The following SCN2A variants were observed in gnomAD, a reference collection of about 807,000 sequenced individuals.
The protein encoded by SCN2A is sodium voltage-gated channel alpha subunit 2, also known as sodium channel protein type 2 subunit alpha.
In SCN2A, 20 loss-of-function variants were observed where a neutral mutation model predicts 188.7. The observed-to-expected ratio is 0.11, with a 90% CI of 0.07 to 0.15. The LOEUF (loss-of-function observed/expected upper bound fraction) is 0.15. Ranked by LOEUF, SCN2A falls within the 10% of genes least tolerant of loss-of-function variation. The probability of loss-of-function intolerance (pLI) is 1.00; values close to 1 mark genes in which losing one functional copy is unlikely to be tolerated. For missense variants in SCN2A, 1,278 were observed against 2,445.0 expected, an observed-to-expected ratio of 0.52 and a Z score of 10.07; for synonymous variants, 804 against 833.1, an observed-to-expected ratio of 0.97 and a Z score of 0.60.
At chr2:165,316,077 G>A (rs1054649054) in intron 11 of SCN2A, among the ~76,000 whole-genome samples, 3 of 152,138 alleles carry the variant, frequency 2.0e-5, no homozygotes, top group Admixed American at 2.0e-4. Flanking sequence ...CTTAACTATT[G>A]TGCGTGGATC....
chr2:165,278,988 A>C (rs12991072), intron 1 of SCN2A, among the ~76,000 whole-genome samples: 16,054 of 151,706 alleles, frequency 0.11, 1,247 homozygotes, highest in East Asian at 0.35. Flanking sequence ...GGCAGGCAGG[A>C]AGGAAGGAAG....
rs1553463915 is a variant in SCN2A, at chr2:165,389,711, A to G, written c.5905A>G (p.Thr1969Ala). Reference protein sequence around the residue: ...TPEKTDMTPSTTSPPSYDSVT... With the variant: ...TPEKTDMTPSATSPPSYDSVT... The stretch of plus-strand genomic sequence containing the variant: ...AGAGAAAACCGATATGACGCCTTCC[A>G]CCACGTCTCCACCCTCGTATGATAG... The change falls in exon 27 of 27, where the codon ACC becomes GCC. Residue 1969 changes from threonine (T) to alanine (A), a missense_variant. Thr to Ala is a moderately conservative substitution (Grantham distance 58). Around this residue, in one of 17 missense-constraint regions of SCN2A, gnomAD observed 109 missense variants for 137.9 expected, o/e 0.79. Transcript: ENST00000375437. This position sits in a 1 kb window ranked among gnomAD's most constrained non-coding sequence, Gnocchi z 4.2. 1.2e-6 allele frequency: 2 copies of G among 1,614,016 alleles called. No homozygotes were observed. Among genetic ancestry groups the G allele is most frequent in the Non-Finnish European group, 1.7e-6 (2 of 1,179,978 alleles).
At chr2:165,249,062 A>G (rs1316826925) in intron 1 of SCN2A, among the ~76,000 whole-genome samples, 2 of 152,098 alleles carry the variant, frequency 1.3e-5, no homozygotes, top group African/African-American at 2.4e-5. Context: ...CCTGATATAT[A>G]TGACATTTAA....
At chr2:165,372,739 G>A (rs16850532) in intron 20 of SCN2A, 59,123 of 153,544 alleles carry the variant, frequency 0.39, 11,719 homozygotes, top group East Asian at 0.53. Flanking sequence ...CTTTTTAGAG[G>A]CCTATTCCTT....
chr2:165,314,615 T>G (rs1419248008), intron 10 of SCN2A, among the ~76,000 whole-genome samples: 3 of 152,316 alleles, frequency 2.0e-5, no homozygotes, highest in Admixed American at 2.0e-4. Flanking sequence ...AAATGCAAGT[T>G]TGTGGGTTAC....
chr2:165,280,725 C>T (rs1235689768), intron 1 of SCN2A, among the ~76,000 whole-genome samples: 1 of 152,114 alleles, frequency 6.6e-6, no homozygotes, highest in Non-Finnish European at 1.5e-5. Flanking sequence ...TTTGGAATTA[C>T]ACCTTAGCTT....
intron 3 of SCN2A, among the ~76,000 whole-genome samples, chr2:165,306,019 G>C (rs746997574): frequency 6.6e-5 from 10 of 152,150 alleles, no homozygotes; most frequent in Non-Finnish European, 1.2e-4. Context: ...TGGGGAAGGT[G>C]TCCAGAATAC....
intron 1 of SCN2A, among the ~76,000 whole-genome samples, chr2:165,258,864 A>G (rs1694446660): frequency 6.6e-6 from 1 of 152,212 alleles, no homozygotes; most frequent in African/African-American, 2.4e-5. Context: ...GTTCTAACTT[A>G]CAAGTGGGAG....
At chr2:165,380,128 G>T (rs1701523366) in intron 23 of SCN2A, among the ~76,000 whole-genome samples, 1 of 149,198 alleles carries the variant, frequency 6.7e-6, no homozygotes, top group South Asian at 2.1e-4. Flanking sequence ...ATATTTATAT[G>T]TTAATATAGT....
intron 1 of SCN2A, among the ~76,000 whole-genome samples, chr2:165,288,440 T>A (rs1695952401): frequency 1.3e-5 from 2 of 151,950 alleles, no homozygotes; most frequent in Middle Eastern, 3.4e-3. Flanking sequence ...AATTTTTTTT[T>A]ATTTCAAGAA....
intron 22 of SCN2A, among the ~76,000 whole-genome samples, chr2:165,376,090 C>T (rs963541181): frequency 6.6e-6 from 1 of 151,620 alleles, no homozygotes; most frequent in African/African-American, 2.4e-5. Context: ...AAATTCAATT[C>T]GACAGGAAGA....
At chr2:165,302,088 C>A (rs1358342034) in intron 3 of SCN2A, among the ~76,000 whole-genome samples, 1 of 152,138 alleles carries the variant, frequency 6.6e-6, no homozygotes, top group African/African-American at 2.4e-5. Flanking sequence ...CTCCAACTTA[C>A]TGATTCATTA....
At position 165,277,019 on chromosome 2, in the gene SCN2A, C is replaced by CA. The variant is rs1695372766; in HGVS notation, c.-51-18748dup. On this transcript the variant is annotated intron_variant, in intron 1 of 26. Transcript: ENST00000375437. ...TGAAACCCCATCTCTACTAAAAATACAAAAAATTAGACAGGTGTCGACAGA... is the reference window on the plus strand; with the variant it reads ...TGAAACCCCATCTCTACTAAAAATACAAAAAAATTAGACAGGTGTCGACAGA... Among the ~76,000 whole-genome samples the CA allele has an allele frequency of 5.3e-5, 8 of 151,616 alleles. 1 individual carries two copies. Among genetic ancestry groups the CA allele is most frequent in the Admixed American group, 5.3e-4 (8 of 15,230 alleles).
intron 1 of SCN2A, among the ~76,000 whole-genome samples, chr2:165,280,683 G>A (rs1695545896): frequency 6.6e-6 from 1 of 152,130 alleles, no homozygotes; most frequent in Non-Finnish European, 1.5e-5. Flanking sequence ...TGTCCTGTGG[G>A]ATCATAATAA....
At chr2:165,296,685 CA>C (rs67944134) in intron 2 of SCN2A, 643 of 168,012 alleles carry the variant, frequency 3.8e-3, no homozygotes, top group South Asian at 0.011. Context: ...ATTTTCTAAC[CA>C]AAAAAAAAAA....
In SCN2A at chr2:165,309,376, G is replaced by C. The variant is rs1429417178; in HGVS notation, c.630G>C (p.Leu210=). ...GATATGTGACAGAGTTTGTGGACCT[G>C]GGCAATGTCTCAGCGTTGAGAACAT... ...TFAYVTEFVD[L]GNVSALRTFR... is the part of the protein sequence containing the mutation. The change falls in exon 6 of 27, where the codon CTG becomes CTC. Residue 210 remains leucine (L), a synonymous_variant. Coordinates refer to ENST00000375437, the MANE Select transcript of SCN2A (RefSeq NM_001040142.2). 6.2e-7 allele frequency: 1 copy of C among 1,613,524 alleles called. No individual in the cohort carries two copies. Among genetic ancestry groups the C allele is most frequent in the East Asian group, 2.2e-5 (1 of 44,886 alleles).
chr2:165,294,233 C>A, intron 1 of SCN2A: 1 of 449,074 alleles, frequency 2.2e-6, no homozygotes, highest in Non-Finnish European at 2.9e-6. Context: ...GGACCACTTT[C>A]ATTTTGAAGC....
chr2:165,376,462 G>A (rs915960979), intron 22 of SCN2A, among the ~76,000 whole-genome samples: 11 of 151,866 alleles, frequency 7.2e-5, no homozygotes, highest in Admixed American at 1.3e-4. Context: ...TTCTTCCTCT[G>A]TGTTTACAAA....
intron 19 of SCN2A, among the ~76,000 whole-genome samples, chr2:165,367,888 G>A (rs950278874): frequency 5.7e-4 from 87 of 152,134 alleles, no homozygotes; most frequent in African/African-American, 1.9e-3. Context: ...CCACAGGAGC[G>A]TCTAGGGGAG....
Sources: allele counts gnomAD v4.1 joint callset (sites outside exome capture counted in the v4.1 genomes callset), GRCh38; gene constraint gnomAD v4.1.1; regional missense constraint gnomAD v4.1.1; non-coding constraint Gnocchi (gnomAD v3.1); transcripts MANE v1.5; gene names NCBI Gene and HGNC (gene_info 2026-07-23, HGNC 2026-07-21).